Variants in GSK3B observed in about 807,000 individuals in gnomAD.
GSK3B encodes glycogen synthase kinase-3 beta.
GSK3B carries 15 observed loss-of-function variants against 56.4 expected under a neutral mutation model. The observed-to-expected ratio is 0.27, with a 90% CI of 0.18 to 0.41. The LOEUF is 0.41. Among genes scored for constraint, GSK3B ranks in the 10% least tolerant of loss-of-function variants. GSK3B has a pLI of 1.00. For missense variants in GSK3B, 300 were observed against 513.4 expected (o/e 0.58, Z 4.02); for synonymous variants, 181 against 188.9 (o/e 0.96, Z 0.34).
At chr3:119,918,636 T>C (rs2056805787) in intron 4 of GSK3B, among the ~76,000 whole-genome samples, 1 of 152,198 alleles carries the variant, frequency 6.6e-6, no homozygotes, top group Admixed American at 6.5e-5. Flanking sequence ...TTCTGCCTAT[T>C]TGCCTATTTG....
chr3:120,011,595 C>A (rs2057779118), intron 1 of GSK3B, among the ~76,000 whole-genome samples: 1 of 152,090 alleles, frequency 6.6e-6, no homozygotes, highest in South Asian at 2.1e-4. Context: ...CACACTTTTG[C>A]ACATCTAGAG....
At chr3:119,950,936 G>A (rs2057150962) in intron 2 of GSK3B, among the ~76,000 whole-genome samples, 2 of 152,182 alleles carry the variant, frequency 1.3e-5, no homozygotes, top group African/African-American at 4.8e-5. Flanking sequence ...ATTTAGGATA[G>A]AGAGCAAAAA....
intron 2 of GSK3B, among the ~76,000 whole-genome samples, chr3:119,959,070 C>T (rs544429552): frequency 1.1e-4 from 16 of 152,208 alleles, no homozygotes; most frequent in Non-Finnish European, 2.2e-4. Flanking sequence ...GAAATGTTTT[C>T]TCCAATTACT....
Position 119,987,541 on chromosome 3 carries a change from T to C in GSK3B, c.282+14505A>G, listed in dbSNP as rs557851843. 2.6e-5 allele frequency among the ~76,000 whole-genome samples: 4 copies of C among 152,292 alleles called. No homozygotes were observed. In the East Asian group the frequency reaches 7.7e-4, roughly 29 times the overall value. Reference sequence around the variant, plus strand: ...ATAAAGGAAATTCTGTGTGTAAACATATTGGTAAAGTTAAAGGGGTATCAT... The same window carrying C: ...ATAAAGGAAATTCTGTGTGTAAACACATTGGTAAAGTTAAAGGGGTATCAT... On this transcript the variant is annotated intron_variant, in intron 2 of 10. Transcript: ENST00000264235.
At chr3:120,062,306 T>A (rs951607564) in intron 1 of GSK3B, among the ~76,000 whole-genome samples, 2 of 152,226 alleles carry the variant, frequency 1.3e-5, no homozygotes, top group African/African-American at 4.8e-5. Flanking sequence ...GTATGTTACA[T>A]GTACCACCTT....
intron 3 of GSK3B, among the ~76,000 whole-genome samples, chr3:119,942,526 A>C (rs6775397): frequency 0.28 from 41,931 of 151,824 alleles, 7,484 homozygotes; most frequent in African/African-American, 0.52. Context: ...TCTCGATTCA[A>C]CCGCCACGGC....
At chr3:119,979,533 T>C (rs998564106) in intron 2 of GSK3B, among the ~76,000 whole-genome samples, 2 of 152,184 alleles carry the variant, frequency 1.3e-5, no homozygotes, top group Non-Finnish European at 2.9e-5. Context: ...TCTCCCTCTC[T>C]GGGAAGTGGC....
intron 2 of GSK3B, among the ~76,000 whole-genome samples, chr3:119,972,467 G>A (rs995425544): frequency 1.3e-5 from 2 of 152,244 alleles, no homozygotes; most frequent in Admixed American, 6.5e-5. Context: ...ACGGAGTCTC[G>A]CTCTGTAGTC....
chr3:120,053,228 T>G (rs2058165331), intron 1 of GSK3B, among the ~76,000 whole-genome samples: 1 of 152,042 alleles, frequency 6.6e-6, no homozygotes, highest in Non-Finnish European at 1.5e-5. Flanking sequence ...TCCCAGCTAC[T>G]CGGGAGGCTG....
chr3:119,951,442 A>G (rs920975195), intron 2 of GSK3B, among the ~76,000 whole-genome samples: 1 of 152,182 alleles, frequency 6.6e-6, no homozygotes, highest in Non-Finnish European at 1.5e-5. Flanking sequence ...TTGGTGGCGC[A>G]TGCCTGTAAT....
At chr3:119,977,855 T>C (rs1054884150) in intron 2 of GSK3B, among the ~76,000 whole-genome samples, 2 of 152,116 alleles carry the variant, frequency 1.3e-5, no homozygotes, top group African/African-American at 2.4e-5. Flanking sequence ...TATAAGGAGT[T>C]TTAAAACTTA....
intron 7 of GSK3B, among the ~76,000 whole-genome samples, chr3:119,901,120 A>G (rs996643241): frequency 2.8e-4 from 43 of 152,196 alleles, no homozygotes; most frequent in African/African-American, 9.6e-4. Flanking sequence ...GTCAGTGAAC[A>G]TTACATTTGG....
At chr3:119,952,487 C>CAAAAAAAAA (rs59526500) in intron 2 of GSK3B, among the ~76,000 whole-genome samples, 2 of 96,160 alleles carry the variant, frequency 2.1e-5, no homozygotes, top group African/African-American at 4.0e-5. Context: ...GACTCTGTCT[C>CAAAAAAAAA]AAAAAAAAAA....
chr3:119,840,427 T>G (rs2055755378), intron 10 of GSK3B, among the ~76,000 whole-genome samples: 1 of 152,112 alleles, frequency 6.6e-6, no homozygotes, highest in African/African-American at 2.4e-5. Context: ...TATCTCCACG[T>G]TGGTCAGGCT....
chr3:119,998,301 G>C (rs1298115573), intron 2 of GSK3B, among the ~76,000 whole-genome samples: 1 of 152,182 alleles, frequency 6.6e-6, no homozygotes, highest in Non-Finnish European at 1.5e-5. Flanking sequence ...TTGCCATGTA[G>C]GAAGCTAACT....
At chr3:120,043,354 T>C (rs559153665) in intron 1 of GSK3B, among the ~76,000 whole-genome samples, 1 of 152,318 alleles carries the variant, frequency 6.6e-6, no homozygotes, top group East Asian at 1.9e-4. Flanking sequence ...ATTCTATTAC[T>C]TTCTTCTTTT....
chr3:119,993,854 G>C (rs188070669), intron 2 of GSK3B, among the ~76,000 whole-genome samples: 105 of 152,324 alleles, frequency 6.9e-4, no homozygotes, highest in Non-Finnish European at 1.2e-3. Flanking sequence ...TCTAGATCCA[G>C]CTTGAAAGGG....
At chr3:119,845,087 G>A (rs180964733) in intron 9 of GSK3B, among the ~76,000 whole-genome samples, 25 of 152,182 alleles carry the variant, frequency 1.6e-4, no homozygotes, top group African/African-American at 5.1e-4. Context: ...TAGATGTGGC[G>A]AAGGCCTTTA....
At chr3:119,902,324 G>T (rs116478498) in intron 7 of GSK3B, among the ~76,000 whole-genome samples, 2,431 of 152,128 alleles carry the variant, frequency 0.016, 62 homozygotes, top group African/African-American at 0.055. Flanking sequence ...TTGAAGAACA[G>T]ATGTTAGCAA....
Sources: allele counts gnomAD v4.1 joint callset (sites outside exome capture counted in the v4.1 genomes callset), GRCh38; gene constraint gnomAD v4.1.1; transcripts MANE v1.5; gene names NCBI Gene and HGNC (gene_info 2026-07-23, HGNC 2026-07-21).